Variants in HS6ST3 observed in about 807,000 individuals in gnomAD.
HS6ST3 encodes heparan-sulfate 6-O-sulfotransferase 3.
HS6ST3 carries 12 observed loss-of-function variants against 36.7 expected under a neutral mutation model. The ratio of observed to expected loss-of-function variants is 0.33; its 90% CI spans 0.21 to 0.53. HS6ST3 has a LOEUF of 0.53. HS6ST3 is among the 20% of genes least tolerant of loss of function. HS6ST3 has a pLI of 0.95. For missense variants in HS6ST3, 584 were observed against 640.9 expected (o/e 0.91, Z 0.96); for synonymous variants, 240 against 257.5 (o/e 0.93, Z 0.65).
At chr13:96,320,317 T>C (rs2054996956) in intron 1 of HS6ST3, among the ~76,000 whole-genome samples, 1 of 152,238 alleles carries the variant, frequency 6.6e-6, no homozygotes, top group Admixed American at 6.5e-5. Flanking sequence ...TTTGTGTCTC[T>C]TCCTTGACAC....
chr13:96,633,669 A>G (rs1206353406), intron 1 of HS6ST3, among the ~76,000 whole-genome samples: 3 of 152,258 alleles, frequency 2.0e-5, no homozygotes, highest in South Asian at 2.1e-4. Context: ...ATATACATGT[A>G]AATGTGGAAG....
chr13:96,795,080 A>G (rs1269258581), intron 1 of HS6ST3, among the ~76,000 whole-genome samples: 3 of 152,072 alleles, frequency 2.0e-5, no homozygotes, highest in African/African-American at 7.2e-5. Context: ...GTTTTAAAAA[A>G]ATAGCTCACT....
chr13:96,435,463 G>T (rs2055636841), intron 1 of HS6ST3, among the ~76,000 whole-genome samples: 1 of 152,112 alleles, frequency 6.6e-6, no homozygotes, highest in Non-Finnish European at 1.5e-5. Flanking sequence ...CCTTTGTGAG[G>T]CCTTTCCAGA....
intron 1 of HS6ST3, among the ~76,000 whole-genome samples, chr13:96,603,087 A>G (rs1035622940): frequency 6.6e-6 from 1 of 152,078 alleles, no homozygotes; most frequent in African/African-American, 2.4e-5. Flanking sequence ...GGAAAGATTG[A>G]TGGAGCATCT....
At position 96,632,409 on chromosome 13, in the gene HS6ST3, T is replaced by C. The variant is rs2056535187; in HGVS notation, c.708-200081T>C. Among the ~76,000 whole-genome samples, 3 of 152,256 alleles carry C rather than the reference T, an allele frequency of 2.0e-5. No homozygotes were observed. The South Asian group carries it at 6.2e-4, about 32-fold the overall frequency. On this transcript the variant is annotated intron_variant, in intron 1 of 1. Coordinates refer to ENST00000376705, the MANE Select transcript of HS6ST3 (RefSeq NM_153456.4). ...AGGAACTGACTAACACAGGACCTAA[T>C]GGAGACTTCTTTTAATTCAAGAATA...
chr13:96,515,131 C>T (rs553910191), intron 1 of HS6ST3, among the ~76,000 whole-genome samples: 1 of 152,300 alleles, frequency 6.6e-6, no homozygotes, highest in South Asian at 2.1e-4. Flanking sequence ...TCCCTGGAGT[C>T]CACATTAACT....
At chr13:96,177,511 T>C (rs540511466) in intron 1 of HS6ST3, among the ~76,000 whole-genome samples, 1 of 152,120 alleles carries the variant, frequency 6.6e-6, no homozygotes, top group Non-Finnish European at 1.5e-5. Context: ...CTTAGCAAAC[T>C]AATGCAGGAA....
intron 1 of HS6ST3, among the ~76,000 whole-genome samples, chr13:96,263,458 T>C (rs2054676385): frequency 6.6e-6 from 1 of 152,098 alleles, no homozygotes; most frequent in African/African-American, 2.4e-5. Flanking sequence ...ATATAAGAAA[T>C]GGAAAATAAA....
intron 1 of HS6ST3, among the ~76,000 whole-genome samples, chr13:96,298,019 A>G (rs1463675047): frequency 1.3e-5 from 2 of 152,288 alleles, no homozygotes; most frequent in South Asian, 4.1e-4. Context: ...TTAAATAAAA[A>G]TTTCTTAAGA....
intron 1 of HS6ST3, among the ~76,000 whole-genome samples, chr13:96,159,362 C>G (rs2054125717): frequency 6.6e-6 from 1 of 152,010 alleles, no homozygotes. Context: ...TGGAGTTAGT[C>G]TTGTTGTTTG....
chr13:96,123,700 T>C (rs1200218763), intron 1 of HS6ST3, among the ~76,000 whole-genome samples: 2 of 152,178 alleles, frequency 1.3e-5, no homozygotes, highest in East Asian at 3.9e-4. Flanking sequence ...TCTCTTCCCT[T>C]AAAGCAGCCT....
intron 1 of HS6ST3, among the ~76,000 whole-genome samples, chr13:96,211,609 C>A (rs2054399604): frequency 6.6e-6 from 1 of 152,078 alleles, no homozygotes; most frequent in South Asian, 2.1e-4. Context: ...ATATTGTTTT[C>A]TATTATTGTA....
chr13:96,608,725 G>A (rs1029538263), intron 1 of HS6ST3, among the ~76,000 whole-genome samples: 1 of 152,144 alleles, frequency 6.6e-6, no homozygotes, highest in African/African-American at 2.4e-5. Flanking sequence ...ATTAGAGACA[G>A]ATATTGGAGT....
chr13:96,531,133 C>G (rs577563956), intron 1 of HS6ST3, among the ~76,000 whole-genome samples: 1 of 151,824 alleles, frequency 6.6e-6, no homozygotes, highest in Non-Finnish European at 1.5e-5. Flanking sequence ...ACACACTCTC[C>G]TTTCTGCCCT....
chr13:96,133,977 T>G (rs1056604590), intron 1 of HS6ST3, among the ~76,000 whole-genome samples: 1 of 152,096 alleles, frequency 6.6e-6, no homozygotes, highest in Non-Finnish European at 1.5e-5. Context: ...GAGGCAAAGG[T>G]CCAATTTCAT....
At chr13:96,657,435 C>T (rs1007726112) in intron 1 of HS6ST3, among the ~76,000 whole-genome samples, 5 of 151,990 alleles carry the variant, frequency 3.3e-5, no homozygotes, top group African/African-American at 1.2e-4. Context: ...GTGGGAGGAT[C>T]GCTTGAACCT....
chr13:96,731,853 G>T (rs1223632612), intron 1 of HS6ST3, among the ~76,000 whole-genome samples: 1 of 151,682 alleles, frequency 6.6e-6, no homozygotes, highest in Non-Finnish European at 1.5e-5. Flanking sequence ...ACAGGGTCTC[G>T]CTATGTTGCC....
chr13:96,294,225 T>C (rs571625801), intron 1 of HS6ST3, among the ~76,000 whole-genome samples: 50 of 152,262 alleles, frequency 3.3e-4, no homozygotes, highest in African/African-American at 1.2e-3. Flanking sequence ...AAACCGATAT[T>C]ATGGTCACTA....
At chr13:96,137,903 G>A (rs2054010775) in intron 1 of HS6ST3, among the ~76,000 whole-genome samples, 1 of 152,142 alleles carries the variant, frequency 6.6e-6, no homozygotes, top group Non-Finnish European at 1.5e-5. Flanking sequence ...TTACATCATT[G>A]TGCCTATTTT....
Sources: gnomAD v4.1 joint callset for allele counts (sites outside exome capture counted in the v4.1 genomes callset) on GRCh38, gnomAD v4.1.1 for gene constraint, MANE v1.5 for transcripts, NCBI Gene and HGNC (gene_info 2026-07-23, HGNC 2026-07-21) for gene names.